The following PPP1R9A variants were observed in gnomAD, a reference collection of about 807,000 sequenced individuals.
PPP1R9A encodes the protein neurabin-1.
In PPP1R9A, 59 loss-of-function variants were observed where a neutral mutation model predicts 141.9. The ratio of observed to expected loss-of-function variants is 0.42; its 90% confidence interval spans 0.34 to 0.52. PPP1R9A has a LOEUF of 0.52. PPP1R9A is among the 20% of genes least tolerant of loss of function. The pLI is 0.10. For synonymous variants in PPP1R9A, 500 were observed against 569.7 expected (o/e 0.88, Z 1.74); for missense variants, 1,444 against 1,611.9 (o/e 0.90, Z 1.78).
chr7:95,126,011 C>G (rs976688696), intron 4 of PPP1R9A, among the ~76,000 whole-genome samples: 2 of 152,018 alleles, frequency 1.3e-5, no homozygotes, highest in Admixed American at 1.3e-4. Context: ...GTCCCCTATT[C>G]GATGGTTTCC....
intron 4 of PPP1R9A, chr7:95,155,402 G>A (rs575312883): frequency 6.6e-6 from 1 of 152,258 alleles, no homozygotes; most frequent in African/African-American, 2.4e-5. Context: ...TGTTGCCTAT[G>A]CTGATCTTGA....
chr7:95,176,984 G>T (rs1832998630), intron 5 of PPP1R9A, among the ~76,000 whole-genome samples: 1 of 152,064 alleles, frequency 6.6e-6, no homozygotes, highest in African/African-American at 2.4e-5. Flanking sequence ...CCTTGCTAGA[G>T]ACCTAGACAT....
intron 2 of PPP1R9A, among the ~76,000 whole-genome samples, chr7:94,994,414 C>G (rs1208735311): frequency 6.6e-6 from 1 of 152,038 alleles, no homozygotes; most frequent in Non-Finnish European, 1.5e-5. Context: ...ATATAATGTC[C>G]TGAGCCCTGA....
At chr7:95,142,553 C>T (rs575533488) in intron 4 of PPP1R9A, among the ~76,000 whole-genome samples, 2 of 152,072 alleles carry the variant, frequency 1.3e-5, no homozygotes, top group South Asian at 4.1e-4. Context: ...GGGATATATT[C>T]ATAGCTTCAT....
intron 2 of PPP1R9A, among the ~76,000 whole-genome samples, chr7:94,962,802 G>A (rs191840044): frequency 1.3e-5 from 2 of 152,186 alleles, no homozygotes; most frequent in East Asian, 3.9e-4. Flanking sequence ...GAGCATGAAA[G>A]GACTAAGTAT....
intron 2 of PPP1R9A, among the ~76,000 whole-genome samples, chr7:94,934,593 G>A (rs1299988141): frequency 1.3e-5 from 2 of 151,770 alleles, no homozygotes; most frequent in Non-Finnish European, 2.9e-5. Flanking sequence ...GAAATTCACA[G>A]TACCTTTGTG....
intron 7 of PPP1R9A, among the ~76,000 whole-genome samples, chr7:95,216,508 C>A (rs1793458979): frequency 6.6e-6 from 1 of 152,140 alleles, no homozygotes; most frequent in African/African-American, 2.4e-5. Context: ...TGAAGAAAGT[C>A]ATTGATAGCT....
Position 94,982,099 on chromosome 7 carries a change from T to A in PPP1R9A, c.1395+70591T>A, listed in dbSNP as rs150176371. ...GTTTGGTTTTCCATCCTTGCTATAG[T>A]TTGCTCAGAATGATGGTTTCCAGCT... On this transcript the variant is annotated intron_variant, in intron 2 of 19. Transcript: ENST00000433360. Among the ~76,000 whole-genome samples the A allele has an allele frequency of 1.1e-3, 163 of 152,100 alleles. 1 individual carries two copies. Among genetic ancestry groups the A allele is most frequent in the African/African-American group, 3.8e-3 (159 of 41,490 alleles).
intron 2 of PPP1R9A, among the ~76,000 whole-genome samples, chr7:95,025,863 T>C (rs1806759828): frequency 6.6e-6 from 1 of 152,204 alleles, no homozygotes; most frequent in East Asian, 1.9e-4. Flanking sequence ...GTTTGATCAA[T>C]TTGGCTATTG....
chr7:94,988,927 A>G (rs548696746), intron 2 of PPP1R9A, among the ~76,000 whole-genome samples: 2 of 152,088 alleles, frequency 1.3e-5, no homozygotes, highest in East Asian at 1.9e-4. Context: ...TTTTACTCCC[A>G]TGTAAAACTA....
intron 2 of PPP1R9A, among the ~76,000 whole-genome samples, chr7:94,993,534 C>T (rs1315392088): frequency 5.9e-5 from 9 of 152,110 alleles, no homozygotes; most frequent in Non-Finnish European, 4.4e-5. Context: ...CAAGCTGTAG[C>T]TCTATTTGTA....
At chr7:95,002,053 T>C (rs1803010238) in intron 2 of PPP1R9A, among the ~76,000 whole-genome samples, 1 of 152,190 alleles carries the variant, frequency 6.6e-6, no homozygotes, top group Non-Finnish European at 1.5e-5. Context: ...TGGCGTCATC[T>C]ATGGTAAACA....
chr7:95,002,568 T>C (rs1803089565), intron 2 of PPP1R9A, among the ~76,000 whole-genome samples: 1 of 152,152 alleles, frequency 6.6e-6, no homozygotes, highest in Admixed American at 6.6e-5. Flanking sequence ...TTTGTGAGCT[T>C]GGAACCCAGA....
At chr7:95,137,152 G>A (rs1373108947) in intron 4 of PPP1R9A, among the ~76,000 whole-genome samples, 2 of 151,670 alleles carry the variant, frequency 1.3e-5, no homozygotes, top group Non-Finnish European at 2.9e-5. Context: ...TGTTACATAT[G>A]TATACGTGTG....
At chr7:95,213,309 T>C (rs138381576) in intron 7 of PPP1R9A, among the ~76,000 whole-genome samples, 2,449 of 150,084 alleles carry the variant, frequency 0.016, 49 homozygotes, top group Admixed American at 0.043. Context: ...GTACTATCTT[T>C]CTTTCTCTTT....
chr7:95,274,070 T>G lies in PPP1R9A; in HGVS notation c.3213-15T>G, dbSNP rs774236497. 2 of 1,546,520 alleles carry G rather than the reference T, an allele frequency of 1.3e-6. No individual in the cohort carries two copies. The highest frequency in any genetic ancestry group is 1.1e-5 in the South Asian group (1 of 87,262). ...ATTTCAGCTTCCCCTTTCTGACTGCTTACTATCATTACAGGGCGCCTTTGC... is the reference window on the plus strand; with the variant it reads ...ATTTCAGCTTCCCCTTTCTGACTGCGTACTATCATTACAGGGCGCCTTTGC... On this transcript the variant is annotated splice_polypyrimidine_tract_variant and intron_variant, in intron 15 of 19. Coordinates refer to ENST00000433360, the MANE Select transcript of PPP1R9A (RefSeq NM_001166160.2).
At chr7:95,073,830 C>T (rs1814397629) in intron 2 of PPP1R9A, among the ~76,000 whole-genome samples, 1 of 151,878 alleles carries the variant, frequency 6.6e-6, no homozygotes. Context: ...AATCCTCCTG[C>T]CTCAGCCTCC....
intron 18 of PPP1R9A, chr7:95,287,282 CT>C: frequency 3.0e-6 from 3 of 999,810 alleles, no homozygotes; most frequent in Middle Eastern, 4.2e-4. Context: ...GCTTTACTCT[CT>C]GCCTTTGTCA....
At chr7:95,118,985 CAAA>C (rs11353708) in intron 3 of PPP1R9A, among the ~76,000 whole-genome samples, 4 of 129,130 alleles carry the variant, frequency 3.1e-5, no homozygotes, top group Admixed American at 7.7e-5. Context: ...TTGTCTCAAA[CAAA>C]AAAAAAAAAA....
Sources: gnomAD v4.1 joint callset for allele counts (sites outside exome capture counted in the v4.1 genomes callset) on GRCh38, gnomAD v4.1.1 for gene constraint, MANE v1.5 for transcripts, NCBI Gene and HGNC (gene_info 2026-07-23, HGNC 2026-07-21) for gene names.